The following HHEX variants were observed in gnomAD, a reference collection of about 807,000 sequenced individuals.
HHEX encodes the protein hematopoietically-expressed homeobox protein HHEX.
Under a neutral mutation model 27.0 loss-of-function variants are expected in HHEX, and 8 were observed. That is an observed-to-expected ratio of 0.30 (90% CI 0.17 to 0.54). HHEX has a LOEUF of 0.54. Ranked by LOEUF, HHEX falls within the 20% of genes least tolerant of loss-of-function variation. The pLI is 0.95. For missense variants in HHEX, 326 were observed against 357.2 expected (o/e 0.91, Z 0.70); for synonymous variants, 164 against 161.5 (o/e 1.02, Z -0.12).
At position 92,694,996 on chromosome 10, in the gene HHEX, G is replaced by A; in HGVS notation, c.*228G>A. The A allele has an allele frequency of 4.0e-6, 2 of 498,312 alleles. No individual in the cohort carries two copies. Among genetic ancestry groups the A allele is most frequent in the African/African-American group, 1.9e-5 (1 of 51,884 alleles). The allele number at this position is 498,312 out of a possible 1,614,324, so 30.9% of individuals were successfully genotyped here. On this transcript the variant is annotated 3_prime_UTR_variant, in exon 4 of 4. Coordinates refer to ENST00000282728, the MANE Select transcript of HHEX (RefSeq NM_002729.5). The stretch of plus-strand genomic sequence containing the variant: ...ACTGCTCTTAGGTTGTTTTGATAAA[G>A]TGACATTATAGTGATTAAATTCTTC...
chr10:92,692,605 G>A, intron 2 of HHEX, 59 bp downstream of exon 2: 5 of 1,600,728 alleles, frequency 3.1e-6, no homozygotes, highest in Non-Finnish European at 3.4e-6. Context: ...TGGGGTAGGG[G>A]TCGCCGGGCC....
chr10:92,694,520 A>G lies in HHEX; in HGVS notation c.592-27A>G, dbSNP rs758306656. 3 of 1,533,698 alleles carry G rather than the reference A, an allele frequency of 2.0e-6. No homozygotes were observed. The East Asian group carries it at 6.7e-5, about 34-fold the overall frequency. On this transcript the variant is annotated intron_variant, in intron 3 of 3. Coordinates refer to ENST00000282728, the MANE Select transcript of HHEX (RefSeq NM_002729.5). ...CTATCCATATTTTATGATCCTTCCA[A>G]TCTCCATTTTCATTTCCTTTATTCA...
rs1845344219 is a variant in HHEX, at chr10:92,690,616, T to TA, written c.361+270dup. Among the ~76,000 whole-genome samples, 2 of 152,014 alleles carry TA rather than the reference T, an allele frequency of 1.3e-5. 1 individual carries two copies. The highest frequency in any genetic ancestry group is 4.1e-4 in the South Asian group (2 of 4,822). On this transcript the variant is annotated intron_variant, in intron 1 of 3. Transcript: ENST00000282728. ...GAGGGCAGCCGTGGACCGCGCGTGT[T>TA]ACCCGGGGTGGGGCTCCCTTAGCGG...
chr10:92,690,869 C>T (rs569217202), intron 1 of HHEX, among the ~76,000 whole-genome samples: 2 of 152,220 alleles, frequency 1.3e-5, no homozygotes, highest in Admixed American at 1.3e-4. Context: ...ACCCTTCCCC[C>T]GGAGTAGTGC....
In HHEX at chr10:92,694,672, C is replaced by T; in HGVS notation, c.717C>T (p.Ser239=). The T allele has an allele frequency of 6.2e-7, 1 of 1,614,082 alleles. No homozygotes were observed. The highest frequency in any genetic ancestry group is 8.5e-7 in the Non-Finnish European group (1 of 1,179,978). ...ASLDSSQCSP[S]PASQEDLESE... ...TGGATAGCTCTCAATGTTCGCCCTC[C>T]CCTGCCTCCCAGGAAGACCTTGAAT... The change falls in exon 4 of 4, where the codon TCC becomes TCT. Residue 239 remains serine (S), a synonymous_variant. Transcript: ENST00000282728.
rs558170145 is a variant in HHEX at position 92,689,963 on chromosome 10, G to T, written c.-24G>T. On this transcript the variant is annotated 5_prime_UTR_variant, in exon 1 of 4. Transcript: ENST00000282728. ...CCGCGGCGCGGGCCAGCAGCTCTGC[G>T]AGGGGCCGGAGCGCGGCGGAGCCAT... The T allele has an allele frequency of 7.2e-4, 954 of 1,333,318 alleles. 18 individuals are homozygous for T. In the South Asian group the frequency reaches 0.017, roughly 24 times the overall value. The allele number at this position is 1,333,318 out of a possible 1,614,324, so 82.6% of individuals were successfully genotyped here.
In HHEX at chr10:92,695,063, AAATT is replaced by A. The variant is rs1845391020; in HGVS notation, c.*300_*303del. 5 of 247,674 alleles carry A rather than the reference AAATT, an allele frequency of 2.0e-5. No homozygotes were observed. The South Asian group carries it at 3.0e-4, about 15-fold the overall frequency. 15.3% of individuals were successfully genotyped at this position (247,674 alleles called of 1,614,324 possible). ...GTTAGTGGTTTTCACTATTTATAAA[AAATT>A]AATTTTGAACTTTTTGTTAAATTTT... is the stretch of plus-strand genomic sequence containing the variant. On this transcript the variant is annotated 3_prime_UTR_variant, in exon 4 of 4. Transcript: ENST00000282728.
At chr10:92,691,831 G>A (rs1467624824) in intron 1 of HHEX, 2 of 152,518 alleles carry the variant, frequency 1.3e-5, no homozygotes, top group African/African-American at 4.8e-5. Context: ...GAAATCAGAG[G>A]AGGCCGCGGC....
intron 1 of HHEX, 44 bp downstream of exon 1, chr10:92,690,391 G>A: frequency 2.2e-6 from 3 of 1,394,188 alleles, no homozygotes; most frequent in Non-Finnish European, 1.9e-6. Flanking sequence ...GCGCCACCCG[G>A]CAGGTGGCAG....
chr10:92,690,372 G>A (rs774149798), intron 1 of HHEX, 25 bp downstream of exon 1: 206 of 1,407,262 alleles, frequency 1.5e-4, no homozygotes, highest in Non-Finnish European at 1.9e-4. Context: ...CGAGGGTGGG[G>A]GCGAGGAAGC....
chr10:92,692,077 G>A, intron 1 of HHEX: 1 of 265,690 alleles, frequency 3.8e-6, no homozygotes, highest in Non-Finnish European at 7.3e-6. Flanking sequence ...AGCCGGTAGT[G>A]CCCATTCTTT....
intron 3 of HHEX, 52 bp from the exon 4 acceptor site, chr10:92,694,495 C>G: frequency 7.6e-7 from 1 of 1,317,662 alleles, no homozygotes. Flanking sequence ...TTCCTCTCAC[C>G]TATCCATATT....
intron 1 of HHEX, among the ~76,000 whole-genome samples, chr10:92,690,911 T>C (rs1237669248): frequency 2.0e-5 from 3 of 152,224 alleles, no homozygotes; most frequent in South Asian, 4.1e-4. Context: ...ACATCCTCAA[T>C]ACAGACAAAT....
In HHEX at chr10:92,690,359, G is replaced by T; in HGVS notation, c.361+12G>T. Reference sequence around the variant, plus strand: ...CCACGACCCCCTGGGTAAGGCGGCCGGGCGAGGGTGGGGGCGAGGAAGCGC... The same window carrying T: ...CCACGACCCCCTGGGTAAGGCGGCCTGGCGAGGGTGGGGGCGAGGAAGCGC... On this transcript the variant is annotated intron_variant, in intron 1 of 3. Transcript: ENST00000282728. 2.1e-6 allele frequency: 3 copies of T among 1,434,046 alleles called. 1 individual carries two copies. The highest frequency in any genetic ancestry group is 3.7e-4 in the Middle Eastern group (2 of 5,344). 88.8% of individuals were successfully genotyped at this position (1,434,046 alleles called of 1,614,324 possible).
At position 92,690,058 on chromosome 10, in the gene HHEX, G is replaced by C; in HGVS notation, c.72G>C (p.Leu24=). Residue 24 remains leucine, a synonymous_variant, in exon 1 of 4, where the codon CTG becomes CTC. Coordinates refer to ENST00000282728, the MANE Select transcript of HHEX (RefSeq NM_002729.5). ...GVPLYAPTPL[L]QPAHPTPFYI... Reference sequence around the variant, plus strand: ...CGCTGTACGCGCCCACGCCGCTGCTGCAACCCGCACACCCGACGCCCTTTT... The same window carrying C: ...CGCTGTACGCGCCCACGCCGCTGCTCCAACCCGCACACCCGACGCCCTTTT... 1 of 1,540,248 alleles carries C rather than the reference G, an allele frequency of 6.5e-7. No individual in the cohort carries two copies. The highest frequency in any genetic ancestry group is 8.7e-7 in the Non-Finnish European group (1 of 1,143,480).
Position 92,690,026 on chromosome 10 carries a change from G to A in HHEX, c.40G>A (p.Gly14Arg), listed in dbSNP as rs1168959334. The A allele has an allele frequency of 6.6e-7, 1 of 1,503,854 alleles. No homozygotes were observed. The highest frequency in any genetic ancestry group is 8.8e-7 in the Non-Finnish European group (1 of 1,130,680). The allele number at this position is 1,503,854 out of a possible 1,614,324, so 93.2% of individuals were successfully genotyped here. A position where few individuals can be genotyped will look rare whatever the true frequency, so the allele number is the denominator to read the frequency against. ...PHPGPAAGAV[G>R]VPLYAPTPLL... ...CCCCGGGCCGGCGGCGGGCGCCGTG[G>A]GGGTGCCGCTGTACGCGCCCACGCC... Residue 14 changes from glycine (G) to arginine (R), a missense_variant, in exon 1 of 4, where the codon GGG becomes AGG. By Grantham distance (125) the Gly-to-Arg change is moderately radical. This residue lies in a region of HHEX where 215 missense variants were observed against 196.4 expected (regional missense o/e 1.09). Coordinates refer to ENST00000282728, the MANE Select transcript of HHEX (RefSeq NM_002729.5).
At position 92,690,316 on chromosome 10, in the gene HHEX, C is replaced by A; in HGVS notation, c.330C>A (p.Tyr110Ter). ...CCTTCCCGCGGACGGTGAACGACTA[C>A]ACGCACGCCCTGCTCCGCCACGACC... is the stretch of plus-strand genomic sequence containing the variant. ...LYPFPRTVNDYTHALLRHDPL... is the reference protein window; with the variant it reads ...LYPFPRTVND Residue 110 changes from tyrosine (Y) to a stop codon, truncating the protein, a stop_gained, in exon 1 of 4, where the codon TAC (tyrosine) becomes TAA (stop). Transcript: ENST00000282728. LOFTEE classifies it high-confidence loss of function. 1 of 1,526,134 alleles carries A rather than the reference C, an allele frequency of 6.6e-7. No individual in the cohort carries two copies. The highest frequency in any genetic ancestry group is 8.8e-7 in the Non-Finnish European group (1 of 1,133,506). The allele number at this position is 1,526,134 out of a possible 1,614,324, so 94.5% of individuals were successfully genotyped here.
In HHEX at chr10:92,694,873, A is replaced by G; in HGVS notation, c.*105A>G. On this transcript the variant is annotated 3_prime_UTR_variant, in exon 4 of 4. Coordinates refer to ENST00000282728, the MANE Select transcript of HHEX (RefSeq NM_002729.5). ...GAAGGCTATATAAGAAAGGGAATCA[A>G]TTCTCTGGTATTCTGGAAACCTAAA... 1 of 797,166 alleles carries G rather than the reference A, an allele frequency of 1.3e-6. No homozygotes were observed. Among genetic ancestry groups the G allele is most frequent in the Non-Finnish European group, 2.0e-6 (1 of 500,588 alleles). The allele number at this position is 797,166 out of a possible 1,614,324, so 49.4% of individuals were successfully genotyped here.
intron 1 of HHEX, among the ~76,000 whole-genome samples, chr10:92,690,864 TC>T (rs1845348396): frequency 6.6e-6 from 1 of 152,176 alleles, no homozygotes; most frequent in South Asian, 2.1e-4. Context: ...AGCAGACCCT[TC>T]CCCCGGAGTA....
Sources: allele counts gnomAD v4.1 joint callset (sites outside exome capture counted in the v4.1 genomes callset), GRCh38; gene constraint gnomAD v4.1.1; regional missense constraint gnomAD v4.1.1; transcripts MANE v1.5; gene names NCBI Gene and HGNC (gene_info 2026-07-23, HGNC 2026-07-21).